The following MYO16 variants were observed in gnomAD, a reference collection of about 807,000 sequenced individuals.
MYO16 encodes myosin XVI.
A neutral mutation model predicts 205.3 loss-of-function variants in MYO16; 94 were observed. The ratio of observed to expected loss-of-function variants is 0.46; its 90% CI spans 0.39 to 0.54. The LOEUF (loss-of-function observed/expected upper bound fraction) is 0.54, where lower values mean the gene tolerates loss of function less well. Among genes scored for constraint, MYO16 ranks in the 20% least tolerant of loss-of-function variants. MYO16 has a pLI of 0.00. For missense variants in MYO16, 2,315 were observed against 2,387.5 expected (o/e 0.97, Z 0.63); for synonymous variants, 988 against 954.0 (o/e 1.04, Z -0.66).
intron 20 of MYO16, among the ~76,000 whole-genome samples, chr13:108,984,924 T>C (rs1345903792): frequency 6.6e-6 from 1 of 152,196 alleles, no homozygotes; most frequent in Non-Finnish European, 1.5e-5. Flanking sequence ...TGTCCCACAG[T>C]CATCTACAAA....
At chr13:108,763,532 C>T (rs977617841) in intron 4 of MYO16, among the ~76,000 whole-genome samples, 7 of 152,014 alleles carry the variant, frequency 4.6e-5, no homozygotes, top group South Asian at 2.1e-4. Context: ...TAGAATTTGG[C>T]GTTGAAACCA....
chr13:108,632,684 A>C (rs1361357346), intron 1 of MYO16, among the ~76,000 whole-genome samples: 1 of 152,210 alleles, frequency 6.6e-6, no homozygotes. Flanking sequence ...ATATAGCAGG[A>C]AAGTGTAGGA....
chr13:108,714,934 A>T (rs192961287), intron 3 of MYO16, among the ~76,000 whole-genome samples: 181 of 152,224 alleles, frequency 1.2e-3, no homozygotes, highest in Non-Finnish European at 2.2e-3. Flanking sequence ...TTTTCTGGGT[A>T]CACAGCTTTC....
At chr13:108,795,483 C>T (rs1030951451) in intron 6 of MYO16, among the ~76,000 whole-genome samples, 2 of 152,158 alleles carry the variant, frequency 1.3e-5, no homozygotes, top group African/African-American at 2.4e-5. Context: ...GCTGGGATTA[C>T]AGGTGTGAGT....
chr13:108,904,407 T>C (rs1880860571), intron 15 of MYO16, among the ~76,000 whole-genome samples: 1 of 152,214 alleles, frequency 6.6e-6, no homozygotes, highest in Non-Finnish European at 1.5e-5. Flanking sequence ...GACTTAGTTT[T>C]AGCCATACAG....
chr13:108,920,621 G>T (rs1042491886), intron 16 of MYO16, among the ~76,000 whole-genome samples: 1 of 152,052 alleles, frequency 6.6e-6, no homozygotes, highest in Non-Finnish European at 1.5e-5. Context: ...ACCACGCCCG[G>T]CTAATTTTTG....
chr13:109,105,835 G>A (rs1027593491), intron 28 of MYO16, among the ~76,000 whole-genome samples: 3 of 152,188 alleles, frequency 2.0e-5, no homozygotes, highest in Admixed American at 2.0e-4. Flanking sequence ...GTCACCATAA[G>A]TTTTGGCAAA....
intron 4 of MYO16, among the ~76,000 whole-genome samples, chr13:108,745,910 G>A (rs557531874): frequency 5.3e-5 from 8 of 152,260 alleles, no homozygotes; most frequent in South Asian, 2.1e-4. Context: ...GAATGCAGCC[G>A]GGCGCGGTGG....
At chr13:108,510,461 G>GTTTTTTTTTTTT in the MYO16 span, among the ~76,000 whole-genome samples, 14 of 45,912 alleles carry the variant, frequency 3.0e-4, no homozygotes, top group African/African-American at 6.0e-4. Flanking sequence ...ATTGATAGCT[G>GTTTTTTTTTTTT]TTTTTTTTTT....
At chr13:109,135,033 G>A (rs541050491) in intron 31 of MYO16, among the ~76,000 whole-genome samples, 2 of 152,274 alleles carry the variant, frequency 1.3e-5, no homozygotes, top group South Asian at 4.1e-4. Context: ...ACATGTGCCG[G>A]TGCCTCCGGT....
chr13:108,866,224 T>C lies in MYO16; in HGVS notation c.1407T>C (p.Leu469=). 1 of 1,600,070 alleles carries C rather than the reference T, an allele frequency of 6.2e-7. No individual in the cohort carries two copies. The highest frequency in any genetic ancestry group is 8.5e-7 in the Non-Finnish European group (1 of 1,170,756). ...TGCTTGTTAACCCATACAAGGAGCT[T>C]CCAATTTATTCTTCCATGGTGAGCA... ...ILLLVNPYKE[L]PIYSSMVSQL... Residue 469 remains leucine, a synonymous_variant, in exon 12 of 35, where the codon CTT becomes CTC. Transcript: ENST00000457511.
the MYO16 span, among the ~76,000 whole-genome samples, chr13:108,544,020 G>A: frequency 6.2e-5 from 8 of 128,208 alleles, no homozygotes; most frequent in African/African-American, 2.5e-4. Context: ...AGCCGAGATC[G>A]CACCATTGCA....
chr13:108,873,685 C>A (rs1319174272), intron 12 of MYO16, among the ~76,000 whole-genome samples: 8 of 128,070 alleles, frequency 6.2e-5, no homozygotes, highest in African/African-American at 2.2e-4. Flanking sequence ...CCATGCCAAC[C>A]AACAGGACAG....
chr13:109,197,007 G>C (rs1347335249), intron 34 of MYO16, among the ~76,000 whole-genome samples: 1 of 152,064 alleles, frequency 6.6e-6, no homozygotes, highest in Non-Finnish European at 1.5e-5. Context: ...TTTTTTCCGT[G>C]CCATCCCAAA....
At chr13:109,034,867 G>A (rs1034310230) in intron 23 of MYO16, among the ~76,000 whole-genome samples, 8 of 152,058 alleles carry the variant, frequency 5.3e-5, no homozygotes, top group African/African-American at 1.9e-4. Context: ...TATGCTAATC[G>A]ATAAAATCAT....
intron 19 of MYO16, among the ~76,000 whole-genome samples, chr13:108,964,034 C>T (rs1883693191): frequency 6.6e-6 from 1 of 152,214 alleles, no homozygotes. Context: ...ACACCTCAAC[C>T]CGCATTGCAC....
chr13:108,717,948 T>A (rs1167778311), intron 3 of MYO16, among the ~76,000 whole-genome samples: 1 of 152,206 alleles, frequency 6.6e-6, no homozygotes, highest in Non-Finnish European at 1.5e-5. Flanking sequence ...TAGTTAAGAC[T>A]GTTTTTATTC....
rs182321377 is a variant in MYO16 at position 109,002,369 on chromosome 13, A to G, written c.2443-6528A>G. Among the ~76,000 whole-genome samples, 44 of 152,344 alleles carry G rather than the reference A, an allele frequency of 2.9e-4. No homozygotes were observed. In the East Asian group the frequency reaches 4.0e-3, roughly 14 times the overall value. ...AGCAGTTGGTGGAAATTTACTCAAG[A>G]AATTGTTTGTCATTAATACAAATGA... On this transcript the variant is annotated intron_variant, in intron 21 of 34. Transcript: ENST00000457511.
chr13:108,637,110 A>T (rs1271038954), intron 1 of MYO16, among the ~76,000 whole-genome samples: 1 of 152,224 alleles, frequency 6.6e-6, no homozygotes. Flanking sequence ...GATATATAAA[A>T]TCGTAAACTT....
Sources: gnomAD v4.1 joint callset for allele counts (sites outside exome capture counted in the v4.1 genomes callset) on GRCh38, gnomAD v4.1.1 for gene constraint, MANE v1.5 for transcripts, NCBI Gene and HGNC (gene_info 2026-07-23, HGNC 2026-07-21) for gene names.